Variants in FRMD4A observed in about 807,000 individuals in gnomAD.
FRMD4A encodes the protein FERM domain-containing protein 4A.
In FRMD4A, 29 loss-of-function variants were observed where a neutral mutation model predicts 129.1. That is an observed-to-expected ratio of 0.22 (90% CI 0.17 to 0.31). FRMD4A has a LOEUF of 0.31. Ranked by LOEUF, FRMD4A falls within the 10% of genes least tolerant of loss-of-function variation. The pLI is 1.00. For synonymous variants in FRMD4A, 634 were observed against 571.6 expected, an observed-to-expected ratio of 1.11 and a Z score of -1.56; for missense variants, 1,272 against 1,375.8, an observed-to-expected ratio of 0.92 and a Z score of 1.19.
rs749166490 is a variant in FRMD4A at position 13,656,820 on chromosome 10, G to A, written c.2769C>T (p.Ala923=). ...ACCACTGGCGCAGCTCGTCTGAGAC[G>A]GCGGCACGGCCCGCGCCCTTGTCGT... ...GAHDKGAGRA[A]VSDELRQWYQ... is the part of the protein sequence containing the mutation. Residue 923 remains alanine (A), a synonymous_variant, in exon 22 of 25, where the codon GCC becomes GCT. Coordinates refer to ENST00000357447, the MANE Select transcript of FRMD4A (RefSeq NM_018027.5). The A allele has an allele frequency of 5.1e-5, 80 of 1,573,774 alleles. No homozygotes were observed. The highest frequency in any genetic ancestry group is 6.4e-5 in the Non-Finnish European group (74 of 1,163,222).
intron 2 of FRMD4A, among the ~76,000 whole-genome samples, chr10:13,926,803 C>G (rs776747377): frequency 2.0e-5 from 3 of 152,172 alleles, no homozygotes; most frequent in Non-Finnish European, 4.4e-5. Flanking sequence ...CCTAAAAGAC[C>G]CACATACTTT....
At chr10:14,261,749 T>A (rs1253363027) in intron 2 of FRMD4A, among the ~76,000 whole-genome samples, 1 of 152,132 alleles carries the variant, frequency 6.6e-6, no homozygotes, top group Admixed American at 6.6e-5. Context: ...GACCTTAGTG[T>A]CTTTGTCTAT....
chr10:13,731,874 C>G (rs748392193), intron 12 of FRMD4A, among the ~76,000 whole-genome samples: 2 of 152,028 alleles, frequency 1.3e-5, no homozygotes, highest in Admixed American at 1.3e-4. Context: ...CGAAGTTGGC[C>G]TTCAGAAGTT....
intron 2 of FRMD4A, among the ~76,000 whole-genome samples, chr10:14,069,183 C>T (rs1835203287): frequency 6.6e-6 from 1 of 152,128 alleles, no homozygotes; most frequent in Admixed American, 6.6e-5. Context: ...GGACTTGTGA[C>T]TTGGGTCATG....
chr10:14,072,210 A>G (rs1041762498), intron 2 of FRMD4A, among the ~76,000 whole-genome samples: 11 of 152,192 alleles, frequency 7.2e-5, no homozygotes, highest in Non-Finnish European at 1.5e-4. Flanking sequence ...GGCTAAATGG[A>G]TATGAAGACA....
intron 9 of FRMD4A, chr10:13,744,650 A>G (rs2091200240): frequency 6.6e-6 from 1 of 152,182 alleles, no homozygotes; most frequent in Non-Finnish European, 1.5e-5. Flanking sequence ...TGCCCATCCA[A>G]TGTGCGAACT....
At chr10:13,792,944 C>G (rs1230773931) in intron 5 of FRMD4A, among the ~76,000 whole-genome samples, 1 of 152,156 alleles carries the variant, frequency 6.6e-6, no homozygotes, top group Non-Finnish European at 1.5e-5. Context: ...GTTCTGAGTT[C>G]CAATTCATGT....
At chr10:13,963,788 T>G (rs573706100) in intron 2 of FRMD4A, among the ~76,000 whole-genome samples, 2 of 152,130 alleles carry the variant, frequency 1.3e-5, no homozygotes, top group African/African-American at 4.8e-5. Flanking sequence ...TCTTATAGAG[T>G]GTGTGAGAAA....
chr10:13,989,382 C>T (rs1011801935), intron 2 of FRMD4A, among the ~76,000 whole-genome samples: 14 of 152,024 alleles, frequency 9.2e-5, no homozygotes, highest in South Asian at 2.1e-4. Flanking sequence ...TTTGAGACGG[C>T]GCCTCGCTCT....
At chr10:13,944,964 T>C (rs917619302) in intron 2 of FRMD4A, among the ~76,000 whole-genome samples, 7 of 152,156 alleles carry the variant, frequency 4.6e-5, no homozygotes, top group African/African-American at 1.7e-4. Flanking sequence ...TTGAGCCATA[T>C]TTATGTGATG....
intron 2 of FRMD4A, among the ~76,000 whole-genome samples, chr10:14,105,017 AC>A (rs1202801553): frequency 1.3e-5 from 2 of 152,178 alleles, no homozygotes; most frequent in African/African-American, 4.8e-5. Flanking sequence ...CGGGGTCCCC[AC>A]GCCGCAGGGC....
At chr10:13,753,050 A>G (rs1052603501) in intron 8 of FRMD4A, among the ~76,000 whole-genome samples, 23 of 152,354 alleles carry the variant, frequency 1.5e-4, no homozygotes, top group African/African-American at 4.6e-4. Flanking sequence ...TTCTAGATAT[A>G]CATACGTGGC....
intron 17 of FRMD4A, among the ~76,000 whole-genome samples, chr10:13,669,703 T>C (rs761448550): frequency 1.6e-4 from 25 of 152,246 alleles, no homozygotes; most frequent in Non-Finnish European, 2.5e-4. Context: ...CCTGAGGGTA[T>C]ACCTGGCCTT....
chr10:14,137,473 T>G (rs1839598410), intron 2 of FRMD4A, among the ~76,000 whole-genome samples: 1 of 152,214 alleles, frequency 6.6e-6, no homozygotes, highest in African/African-American at 2.4e-5. Context: ...GAGATTCCCA[T>G]CCTTTGAATT....
At chr10:14,133,342 A>G (rs2131831137) in intron 2 of FRMD4A, among the ~76,000 whole-genome samples, 1 of 152,380 alleles carries the variant, frequency 6.6e-6, no homozygotes, top group African/African-American at 2.4e-5. Flanking sequence ...TTGAGAATGT[A>G]TTAGGTTGGT....
At chr10:14,175,583 G>A (rs918621949) in intron 2 of FRMD4A, among the ~76,000 whole-genome samples, 1 of 145,070 alleles carries the variant, frequency 6.9e-6, no homozygotes, top group South Asian at 2.2e-4. Context: ...GTACAGTGGT[G>A]CAATGATGAT....
chr10:14,313,224 G>A (rs917013282), intron 2 of FRMD4A, among the ~76,000 whole-genome samples: 2 of 151,714 alleles, frequency 1.3e-5, no homozygotes, highest in African/African-American at 2.4e-5. Flanking sequence ...TTAACCAGGT[G>A]TGGTGGTACA....
rs757090391 is a variant in FRMD4A at position 13,666,080 on chromosome 10, G to A, written c.1603+17C>T. ...CGGGCGTGGGAGTGGGGTGGGGGCAGCCCGGTTGGCACTGACCGTCTATGA... is the reference window on the plus strand; with the variant it reads ...CGGGCGTGGGAGTGGGGTGGGGGCAACCCGGTTGGCACTGACCGTCTATGA... On this transcript the variant is annotated intron_variant, in intron 18 of 24. Coordinates refer to ENST00000357447, the MANE Select transcript of FRMD4A (RefSeq NM_018027.5). 7 of 1,516,410 alleles carry A rather than the reference G, an allele frequency of 4.6e-6. No individual in the cohort carries two copies. Among genetic ancestry groups the A allele is most frequent in the Non-Finnish European group, 4.6e-6 (5 of 1,091,366 alleles). The allele number at this position is 1,516,410 out of a possible 1,614,324, so 93.9% of individuals were successfully genotyped here. A position where few individuals can be genotyped will look rare whatever the true frequency, so the allele number is the denominator to read the frequency against.
chr10:14,162,507 T>C lies in FRMD4A; in HGVS notation c.45+167551A>G, dbSNP rs190808884. Among the ~76,000 whole-genome samples the C allele has an allele frequency of 2.2e-3, 341 of 152,324 alleles. 1 individual carries two copies. The highest frequency in any genetic ancestry group is 7.8e-3 in the African/African-American group (323 of 41,566). The stretch of plus-strand genomic sequence containing the variant: ...ATGAACGAGCTCAGCACTCTCATTG[T>C]ACAGGAGGAACACGGGGTCTGATTG... On this transcript the variant is annotated intron_variant, in intron 2 of 24. Transcript: ENST00000357447.
Sources: allele counts gnomAD v4.1 joint callset (sites outside exome capture counted in the v4.1 genomes callset), GRCh38; gene constraint gnomAD v4.1.1; transcripts MANE v1.5; gene names NCBI Gene and HGNC (gene_info 2026-07-23, HGNC 2026-07-21).